ANTXR2: variants seen among roughly 807,000 people sequenced by gnomAD.
ANTXR2 encodes ANTXR cell adhesion molecule 2.
ANTXR2 carries 44 observed loss-of-function variants against 73.7 expected under a neutral mutation model. The ratio of observed to expected loss-of-function variants is 0.60; its 90% confidence interval spans 0.47 to 0.77. ANTXR2 has a LOEUF of 0.77. ANTXR2 is among the 30% of genes least tolerant of loss of function. The probability of loss-of-function intolerance (pLI) is 0.00; values close to 1 mark genes in which losing one functional copy is unlikely to be tolerated. For synonymous variants in ANTXR2, 217 were observed against 205.9 expected (o/e 1.05, Z -0.46); for missense variants, 604 against 592.5 (o/e 1.02, Z -0.20).
intron 12 of ANTXR2, among the ~76,000 whole-genome samples, chr4:79,992,788 G>A (rs1414535184): frequency 2.0e-5 from 3 of 152,002 alleles, no homozygotes; most frequent in African/African-American, 7.2e-5. Context: ...TCATTTAAAA[G>A]CTAACATTCC....
chr4:79,910,873 A>G (rs1023557867), intron 16 of ANTXR2, among the ~76,000 whole-genome samples: 3 of 152,200 alleles, frequency 2.0e-5, no homozygotes, highest in African/African-American at 7.2e-5. Flanking sequence ...ATCAAGAAAA[A>G]TGGAAACTTT....
chr4:79,905,894 GTTGTTGAA>G lies in ANTXR2; in HGVS notation c.*1527_*1534del, dbSNP rs1331142151. ...TCGCCTTCTCCCTTCCAATGTGATG[GTTGTTGAA>G]CTTATTTTTAGTGTCATTTGATAAG... On this transcript the variant is annotated 3_prime_UTR_variant, in exon 17 of 17. Coordinates refer to ENST00000403729, the MANE Select transcript of ANTXR2 (RefSeq NM_058172.6). 2 of 152,510 alleles carry G rather than the reference GTTGTTGAA, an allele frequency of 1.3e-5. No homozygotes were observed. The highest frequency in any genetic ancestry group is 2.9e-5 in the Non-Finnish European group (2 of 68,046). The allele number at this position is 152,510 out of a possible 1,614,324, so 9.4% of individuals were successfully genotyped here.
intron 7 of ANTXR2, among the ~76,000 whole-genome samples, chr4:80,040,282 A>C (rs139948731): frequency 6.6e-6 from 1 of 152,198 alleles, no homozygotes; most frequent in East Asian, 1.9e-4. Flanking sequence ...CTAAAATAAA[A>C]ATTGAAAGGA....
At chr4:80,040,418 A>G (rs1339278271) in intron 7 of ANTXR2, among the ~76,000 whole-genome samples, 1 of 152,094 alleles carries the variant, frequency 6.6e-6, no homozygotes, top group African/African-American at 2.4e-5. Context: ...AATATTACTG[A>G]CTGAACATTG....
At chr4:80,024,553 G>C (rs552990449) in intron 10 of ANTXR2, 65 of 302,878 alleles carry the variant, frequency 2.1e-4, no homozygotes, top group South Asian at 1.5e-3. Flanking sequence ...TTGAGCCCAG[G>C]AGTTTGAGAC....
intron 3 of ANTXR2, among the ~76,000 whole-genome samples, chr4:80,060,238 G>A (rs1734182590): frequency 6.6e-6 from 1 of 152,098 alleles, no homozygotes; most frequent in Non-Finnish European, 1.5e-5. Context: ...AATCATTTGA[G>A]GGGATTTTCA....
chr4:79,945,000 T>C (rs1352767413), intron 16 of ANTXR2, among the ~76,000 whole-genome samples: 2 of 152,166 alleles, frequency 1.3e-5, no homozygotes, highest in African/African-American at 2.4e-5. Context: ...TTTTTAAAAA[T>C]ATTACCCGAA....
chr4:79,924,350 G>A (rs1029387410), intron 16 of ANTXR2, among the ~76,000 whole-genome samples: 2 of 152,094 alleles, frequency 1.3e-5, no homozygotes, highest in East Asian at 1.9e-4. Flanking sequence ...AAGGCCAGGT[G>A]CAAAGTGACT....
At chr4:79,927,455 C>A (rs1484378203) in intron 16 of ANTXR2, among the ~76,000 whole-genome samples, 1 of 152,122 alleles carries the variant, frequency 6.6e-6, no homozygotes, top group Admixed American at 6.6e-5. Flanking sequence ...TCAAAATCTG[C>A]AGATGCTCAA....
chr4:79,964,261 G>A (rs929196665), intron 16 of ANTXR2, among the ~76,000 whole-genome samples: 1 of 152,120 alleles, frequency 6.6e-6, no homozygotes, highest in Non-Finnish European at 1.5e-5. Flanking sequence ...CTAGTGCTGC[G>A]CTTTCTTCTT....
Position 80,029,163 on chromosome 4 carries a change from G to A in ANTXR2, c.866+2460C>T, listed in dbSNP as rs774117642. On this transcript the variant is annotated intron_variant, in intron 10 of 16. Transcript: ENST00000403729. ...TTTAACCTATCTACAAATAATTAAA[G>A]TGTATCACTAGCCCCGATGGTATTC... Among the ~76,000 whole-genome samples the A allele has an allele frequency of 3.8e-4, 58 of 152,102 alleles. 1 individual carries two copies. Among genetic ancestry groups the A allele is most frequent in the Non-Finnish European group, 3.7e-4 (25 of 68,020 alleles).
At chr4:80,065,493 G>A (rs1734454391) in intron 3 of ANTXR2, among the ~76,000 whole-genome samples, 1 of 152,134 alleles carries the variant, frequency 6.6e-6, no homozygotes, top group Non-Finnish European at 1.5e-5. Flanking sequence ...GGTAGGTGGA[G>A]GAATGGACTA....
chr4:80,035,554 G>A (rs1049289684), intron 8 of ANTXR2, among the ~76,000 whole-genome samples: 6 of 152,070 alleles, frequency 3.9e-5, no homozygotes, highest in African/African-American at 9.7e-5. Flanking sequence ...CCTGCAATCC[G>A]TCCATAAGTC....
intron 12 of ANTXR2, among the ~76,000 whole-genome samples, chr4:79,996,703 T>A (rs183939154): frequency 2.0e-4 from 31 of 152,066 alleles, no homozygotes; most frequent in African/African-American, 7.0e-4. Flanking sequence ...AAAGAAAGAT[T>A]TACTGTTAGT....
intron 7 of ANTXR2, among the ~76,000 whole-genome samples, chr4:80,049,043 A>C (rs957554239): frequency 6.6e-5 from 10 of 151,656 alleles, no homozygotes; most frequent in Admixed American, 6.6e-4. Flanking sequence ...TAGTGTTCTC[A>C]ATTCTTTTGG....
chr4:79,998,631 A>G lies in ANTXR2; in HGVS notation c.1041+9890T>C, dbSNP rs374336416. Among the ~76,000 whole-genome samples, 9 of 152,172 alleles carry G rather than the reference A, an allele frequency of 5.9e-5. 1 individual carries two copies. The highest frequency in any genetic ancestry group is 1.7e-4 in the African/African-American group (7 of 41,554). ...GTCACTAACAATTCAAAACAGGATA[A>G]GTTTTGTTTTAATGCCTCCTGCCTT... On this transcript the variant is annotated intron_variant, in intron 12 of 16. Coordinates refer to ENST00000403729, the MANE Select transcript of ANTXR2 (RefSeq NM_058172.6).
At chr4:80,005,352 A>C (rs1241311313) in intron 12 of ANTXR2, among the ~76,000 whole-genome samples, 1 of 152,172 alleles carries the variant, frequency 6.6e-6, no homozygotes, top group Non-Finnish European at 1.5e-5. Context: ...AAATTTGCAC[A>C]ACACCACGCT....
chr4:79,929,292 A>C (rs2109958176), intron 16 of ANTXR2, among the ~76,000 whole-genome samples: 1 of 152,276 alleles, frequency 6.6e-6, no homozygotes, highest in Middle Eastern at 3.4e-3. Flanking sequence ...AGGCGGGTGA[A>C]TCACTAGGTC....
intron 10 of ANTXR2, 137 bp downstream of exon 10, chr4:80,031,486 G>A: frequency 1.7e-6 from 1 of 601,774 alleles, no homozygotes; most frequent in Non-Finnish European, 2.7e-6. Flanking sequence ...ACTAAGTTAA[G>A]TGGCTTGCCC....
Sources: allele counts gnomAD v4.1 joint callset (sites outside exome capture counted in the v4.1 genomes callset), GRCh38; gene constraint gnomAD v4.1.1; transcripts MANE v1.5; gene names NCBI Gene and HGNC (gene_info 2026-07-23, HGNC 2026-07-21).